The following PLXND1 variants were observed in gnomAD, a reference collection of about 807,000 sequenced individuals.
PLXND1 encodes the protein plexin D1.
A neutral mutation model predicts 197.7 loss-of-function variants in PLXND1; 54 were observed. That is an observed-to-expected ratio of 0.27 (90% confidence interval 0.22 to 0.34). PLXND1 has a LOEUF of 0.34. Ranked by LOEUF, PLXND1 falls within the 10% of genes least tolerant of loss-of-function variation. The probability of loss-of-function intolerance (pLI) is 1.00; values close to 1 mark genes in which losing one functional copy is unlikely to be tolerated. For synonymous variants in PLXND1, 1,180 were observed against 1,161.2 expected (o/e 1.02, Z -0.33); for missense variants, 2,127 against 2,699.2 (o/e 0.79, Z 4.70).
chr3:129,555,687 C>T lies in PLXND1; in HGVS notation c.*625G>A. On this transcript the variant is annotated 3_prime_UTR_variant, in exon 36 of 36. Transcript: ENST00000324093. ...CTGTGCCCCCCATCCCTCCCCTCCA[C>T]CCTCCCTGCTCCTGGAGAAGCCCAC... 1 of 540,634 alleles carries T rather than the reference C, an allele frequency of 1.8e-6. No homozygotes were observed. Among genetic ancestry groups the T allele is most frequent in the East Asian group, 3.3e-5 (1 of 30,116 alleles). 33.5% of individuals were successfully genotyped at this position (540,634 alleles called of 1,614,324 possible).
chr3:129,589,307 G>GCCGGGGGGGCCCCCCCC, intron 2 of PLXND1, 44 bp downstream of exon 2: 1 of 684,692 alleles, frequency 1.5e-6, no homozygotes, highest in African/African-American at 1.8e-5. Flanking sequence ...TCCCAGGGGA[G>GCCGGGGGGGCCCCCCCC]CCTCCCACCC....
chr3:129,586,207 C>A lies in PLXND1; in HGVS notation c.1686G>T (p.Ala562=), dbSNP rs577383706. 3 of 1,604,234 alleles carry A rather than the reference C, an allele frequency of 1.9e-6. No homozygotes were observed. In the African/African-American group the frequency reaches 4.0e-5, roughly 21 times the overall value. ...HSTCGDCVGA[A]DAYCGWCALE... ...GGGCACACCAGCCGCAGTAGGCGTCCGCCGCACCCACGCAGTCCCCACAGG... is the reference window on the plus strand; with the variant it reads ...GGGCACACCAGCCGCAGTAGGCGTCAGCCGCACCCACGCAGTCCCCACAGG... Residue 562 remains alanine (A), a synonymous_variant, in exon 4 of 36, where the codon GCG becomes GCT. Transcript: ENST00000324093.
At chr3:129,584,263 C>T (rs2085427224) in intron 6 of PLXND1, 30 bp from the exon 7 acceptor site, 1 of 1,587,964 alleles carries the variant, frequency 6.3e-7, no homozygotes, top group Non-Finnish European at 8.6e-7. Flanking sequence ...CAGGGGAGGA[C>T]ATGGGGGCAG....
In PLXND1 at chr3:129,567,607, G is replaced by A. The variant is rs2108771051; in HGVS notation, c.3974-3C>T. The A allele has an allele frequency of 6.2e-7, 1 of 1,608,120 alleles. No individual in the cohort carries two copies. The highest frequency in any genetic ancestry group is 1.1e-5 in the South Asian group (1 of 90,656). Reference sequence around the variant, plus strand: ...GTCTGTCTGCAGCTCAGCGAAGCCTGGCGGACACACGGACAGCCGTGAGCG... The same window carrying A: ...GTCTGTCTGCAGCTCAGCGAAGCCTAGCGGACACACGGACAGCCGTGAGCG... On this transcript the variant is annotated splice_polypyrimidine_tract_variant and splice_region_variant and intron_variant, in intron 21 of 35. Coordinates refer to ENST00000324093, the MANE Select transcript of PLXND1 (RefSeq NM_015103.3).
chr3:129,561,784 G>A lies in PLXND1; in HGVS notation c.4929+16C>T. On this transcript the variant is annotated intron_variant, in intron 28 of 35. Transcript: ENST00000324093. ...GCATGAGGGTGGGGAAATGGGGGCG[G>A]GGGGCAGGGCTGCACCTTGTAATGG... The A allele has an allele frequency of 6.3e-7, 1 of 1,592,900 alleles. No individual in the cohort carries two copies. Among genetic ancestry groups the A allele is most frequent in the Non-Finnish European group, 8.6e-7 (1 of 1,162,346 alleles).
At chr3:129,578,004 A>G (rs2811468) in intron 9 of PLXND1, among the ~76,000 whole-genome samples, 29,477 of 152,080 alleles carry the variant, frequency 0.19, 3,061 homozygotes, top group East Asian at 0.38. Context: ...GGAGGACAGG[A>G]TAGGGCAGCG....
At chr3:129,575,294 C>A (rs752184084) in intron 11 of PLXND1, among the ~76,000 whole-genome samples, 175 bp downstream of exon 11, 25 of 152,206 alleles carry the variant, frequency 1.6e-4, no homozygotes, top group Non-Finnish European at 3.4e-4. Flanking sequence ...GACCCCAAGG[C>A]CTGGAGCCTG....
chr3:129,570,654 C>T, intron 19 of PLXND1, 132 bp downstream of exon 19: 1 of 878,112 alleles, frequency 1.1e-6, no homozygotes, highest in Non-Finnish European at 1.8e-6. Context: ...ATGTAAAGCT[C>T]TGCTTTGCTG....
Position 129,558,372 on chromosome 3 carries a change from C to T in PLXND1, c.5445+56G>A, listed in dbSNP as rs1011278204. ...GAGAGTCGAGGAGGCTACCCATGGTCGGCACCCCACTCTGGCCCTGTGCAT... is the reference window on the plus strand; with the variant it reads ...GAGAGTCGAGGAGGCTACCCATGGTTGGCACCCCACTCTGGCCCTGTGCAT... On this transcript the variant is annotated intron_variant, in intron 33 of 35. Coordinates refer to ENST00000324093, the MANE Select transcript of PLXND1 (RefSeq NM_015103.3). The surrounding 1 kb of genome is among the most constrained non-coding windows in gnomAD (Gnocchi z 4.1). The T allele has an allele frequency of 5.2e-6, 8 of 1,545,548 alleles. No individual in the cohort carries two copies. The highest frequency in any genetic ancestry group is 1.4e-5 in the African/African-American group (1 of 73,290).
intron 1 of PLXND1, among the ~76,000 whole-genome samples, chr3:129,602,215 T>C (rs2085718790): frequency 6.6e-6 from 1 of 152,178 alleles, no homozygotes; most frequent in Non-Finnish European, 1.5e-5. Context: ...TCCACTTCTC[T>C]GGCTAAAACC....
At position 129,606,518 on chromosome 3, in the gene PLXND1, G is replaced by C; in HGVS notation, c.122C>G (p.Ala41Gly). 7.2e-7 allele frequency: 1 copy of C among 1,379,510 alleles called. No homozygotes were observed. 85.5% of individuals were successfully genotyped at this position (1,379,510 alleles called of 1,614,324 possible). ...VPLLLLLLLG[A>G]ARAGALEIQR... ...GATCTCCAGGGCGCCGGCCCGCGCC[G>C]CCCCCAGGAGCAGCAGCAACAGCAG... The change falls in exon 1 of 36, where the codon GCG (alanine) becomes GGG (glycine). Residue 41 changes from alanine (A) to glycine (G), a missense_variant. By Grantham distance (60) the Ala-to-Gly change is moderately conservative. Around this residue, in one of 6 missense-constraint regions of PLXND1, gnomAD observed 245 missense variants for 267.1 expected, o/e 0.92. Transcript: ENST00000324093.
chr3:129,563,269 G>T (rs775515429), intron 25 of PLXND1, 29 bp from the exon 26 acceptor site: 5 of 1,577,756 alleles, frequency 3.2e-6, no homozygotes, highest in Non-Finnish European at 3.4e-6. Context: ...TCAGGGCCAA[G>T]GCCCCCTCTG....
At position 129,556,268 on chromosome 3, in the gene PLXND1, C is replaced by G; in HGVS notation, c.*44G>C. 2 of 1,277,082 alleles carry G rather than the reference C, an allele frequency of 1.6e-6. No individual in the cohort carries two copies. Among genetic ancestry groups the G allele is most frequent in the Non-Finnish European group, 2.3e-6 (2 of 874,660 alleles). 79.1% of individuals were successfully genotyped at this position (1,277,082 alleles called of 1,614,324 possible). A position where few individuals can be genotyped will look rare whatever the true frequency, so the allele number is the denominator to read the frequency against. Reference sequence around the variant, plus strand: ...GAAGATCAAGTTGAGGCCCAGTGGGCGTCCATTTCTCCCAGCAGCAGCCTG... The same window carrying G: ...GAAGATCAAGTTGAGGCCCAGTGGGGGTCCATTTCTCCCAGCAGCAGCCTG... On this transcript the variant is annotated 3_prime_UTR_variant, in exon 36 of 36. Transcript: ENST00000324093.
At chr3:129,578,058 C>G (rs141340330) in intron 9 of PLXND1, among the ~76,000 whole-genome samples, 1 of 152,326 alleles carries the variant, frequency 6.6e-6, no homozygotes, top group Non-Finnish European at 1.5e-5. Flanking sequence ...CCTGGGGGCA[C>G]TGGCTTTCCC....
At position 129,589,442 on chromosome 3, in the gene PLXND1, A is replaced by G; in HGVS notation, c.1397T>C (p.Phe466Ser). ...CACGGAGGTGAGGCCCGGGGCGCGG[A>G]ACACGGGCGTGGCCTTCAGGGGCTG... ...ILQPLKATPV[F>S]RAPGLTSVAV... The change falls in exon 2 of 36, where the codon TTC (phenylalanine) becomes TCC (serine). Residue 466 changes from phenylalanine (F) to serine (S), a missense_variant. This residue lies in a region of PLXND1 where 1,095 missense variants were observed against 1,259.8 expected (regional missense o/e 0.87). Coordinates refer to ENST00000324093, the MANE Select transcript of PLXND1 (RefSeq NM_015103.3). 1 of 1,611,538 alleles carries G rather than the reference A, an allele frequency of 6.2e-7. No individual in the cohort carries two copies. The highest frequency in any genetic ancestry group is 8.5e-7 in the Non-Finnish European group (1 of 1,179,414).
rs1183008464 is a variant in PLXND1, at chr3:129,606,440, G to A, written c.200C>T (p.Ala67Val). The change falls in exon 1 of 36, where the codon GCG (alanine) becomes GTG (valine). Residue 67 changes from alanine (A) to valine (V), a missense_variant. Transcript: ENST00000324093. Reference sequence around the variant, plus strand: ...GGCCGCCAGGTACACGGTCCCCGCCGCGCCGTCCAGGGCGAAGTTGTTGGT... The same window carrying A: ...GGCCGCCAGGTACACGGTCCCCGCCACGCCGTCCAGGGCGAAGTTGTTGGT... ...TPTNNFALDG[A>V]AGTVYLAAVN... 9 of 1,478,330 alleles carry A rather than the reference G, an allele frequency of 6.1e-6. No homozygotes were observed. In the South Asian group the frequency reaches 9.6e-5, roughly 16 times the overall value. The allele number at this position is 1,478,330 out of a possible 1,614,324, so 91.6% of individuals were successfully genotyped here.
At chr3:129,570,064 C>T in intron 19 of PLXND1, 107 bp from the exon 20 acceptor site, 1 of 694,596 alleles carries the variant, frequency 1.4e-6, no homozygotes, top group Admixed American at 2.0e-5. Context: ...CTCTCTGAGC[C>T]TCAGGTGCCA....
rs773265758 is a variant in PLXND1, at chr3:129,571,070, G to A, written c.3570C>T (p.His1190=). ...TAKREKWIKH[H]PGEPLTLVIH... is the part of the protein sequence containing the mutation. ...TAACGAGGGTGAGAGGCTCCCCGGG[G>A]TGGTGCTTGATCCACTTCTCCCTCT... is the stretch of plus-strand genomic sequence containing the variant. Residue 1190 remains histidine (H), a synonymous_variant, in exon 18 of 36, where the codon CAC becomes CAT. Transcript: ENST00000324093. The A allele has an allele frequency of 8.7e-6, 14 of 1,614,084 alleles. No homozygotes were observed. The highest frequency in any genetic ancestry group is 6.7e-5 in the Admixed American group (4 of 60,010).
Position 129,571,078 on chromosome 3 carries a change from T to C in PLXND1, c.3562A>G (p.Lys1188Glu), listed in dbSNP as rs1301554901. The change falls in exon 18 of 36, where the codon AAG becomes GAG. Residue 1188 changes from lysine to glutamate, a missense_variant. By Grantham distance (56) the Lys-to-Glu change is moderately conservative (BLOSUM62 1). Coordinates refer to ENST00000324093, the MANE Select transcript of PLXND1 (RefSeq NM_015103.3). ...FSTAKREKWI[K>E]HHPGEPLTLV... is the part of the protein sequence containing the mutation. Reference sequence around the variant, plus strand: ...GTGAGAGGCTCCCCGGGGTGGTGCTTGATCCACTTCTCCCTCTTGGCCGTA... The same window carrying C: ...GTGAGAGGCTCCCCGGGGTGGTGCTCGATCCACTTCTCCCTCTTGGCCGTA... 1.2e-6 allele frequency: 2 copies of C among 1,614,148 alleles called. No homozygotes were observed. Among genetic ancestry groups the C allele is most frequent in the Non-Finnish European group, 1.7e-6 (2 of 1,179,998 alleles).
Sources: allele counts gnomAD v4.1 joint callset (sites outside exome capture counted in the v4.1 genomes callset), GRCh38; gene constraint gnomAD v4.1.1; regional missense constraint gnomAD v4.1.1; non-coding constraint Gnocchi (gnomAD v3.1); transcripts MANE v1.5; gene names NCBI Gene and HGNC (gene_info 2026-07-23, HGNC 2026-07-21).